Variants in DLGAP2 observed in about 807,000 individuals in gnomAD.
DLGAP2 encodes DLG associated protein 2, also known as disks large-associated protein 2.
DLGAP2 carries 26 observed loss-of-function variants against 100.3 expected under a neutral mutation model. The observed-to-expected ratio is 0.26, with a 90% CI of 0.19 to 0.36. The LOEUF (loss-of-function observed/expected upper bound fraction) is 0.36, where lower values mean the gene tolerates loss of function less well. Ranked by LOEUF, DLGAP2 falls within the 10% of genes least tolerant of loss-of-function variation. The probability of loss-of-function intolerance (pLI) is 1.00; values close to 1 mark genes in which losing one functional copy is unlikely to be tolerated. For synonymous variants in DLGAP2, 886 were observed against 630.1 expected (o/e 1.41, Z -6.08); for missense variants, 1,858 against 1,453.2 (o/e 1.28, Z -4.53).
At chr8:1,134,059 A>T (rs573675605) in intron 2 of DLGAP2, among the ~76,000 whole-genome samples, 14 of 149,894 alleles carry the variant, frequency 9.3e-5, no homozygotes, top group East Asian at 2.0e-4. Context: ...ATGAGTTCTC[A>T]TCATTTAGCT....
intron 2 of DLGAP2, among the ~76,000 whole-genome samples, chr8:1,054,931 A>G (rs146786755): frequency 4.6e-5 from 7 of 152,390 alleles, no homozygotes; most frequent in Middle Eastern, 6.8e-3. Context: ...AACAGCCTTC[A>G]TAGACAGTGG....
chr8:1,183,468 T>C (rs912957669), intron 2 of DLGAP2, among the ~76,000 whole-genome samples: 1 of 152,216 alleles, frequency 6.6e-6, no homozygotes, highest in Non-Finnish European at 1.5e-5. Context: ...CTAAGAGTCA[T>C]TGCAAATGTT....
chr8:803,658 G>C lies in DLGAP2; in HGVS notation c.18+65833G>C, dbSNP rs140691582. On this transcript the variant is annotated intron_variant, in intron 1 of 14. Transcript: ENST00000637795. ...AAACTCGAATCACAAGATACAGTTA[G>C]AAGCAGGGCTGCCTCAATCCACTGG... Among the ~76,000 whole-genome samples the C allele has an allele frequency of 5.8e-3, 890 of 152,298 alleles. 9 individuals carry two copies. The highest frequency in any genetic ancestry group is 0.02 in the African/African-American group (837 of 41,564).
chr8:1,589,319 AT>A (rs1394469061), intron 6 of DLGAP2, among the ~76,000 whole-genome samples: 2 of 152,254 alleles, frequency 1.3e-5, no homozygotes, highest in Non-Finnish European at 2.9e-5. Context: ...TACCATAGTA[AT>A]AAATTTGTCA....
At chr8:1,010,428 A>G (rs2129020588) in intron 2 of DLGAP2, among the ~76,000 whole-genome samples, 1 of 152,352 alleles carries the variant, frequency 6.6e-6, no homozygotes, top group African/African-American at 2.4e-5. Context: ...ATGTGCCCAC[A>G]TATGCACACA....
chr8:937,731 A>G (rs1305931611), intron 2 of DLGAP2, among the ~76,000 whole-genome samples: 1 of 152,168 alleles, frequency 6.6e-6, no homozygotes, highest in Admixed American at 6.5e-5. Context: ...ATCTCCTACA[A>G]TCAAGGGAAT....
intron 3 of DLGAP2, among the ~76,000 whole-genome samples, chr8:1,428,243 A>AT (rs1315091409): frequency 8.5e-5 from 13 of 152,102 alleles, no homozygotes; most frequent in Non-Finnish European, 1.9e-4. Flanking sequence ...TAGAAATATA[A>AT]TTTTTTGAAA....
intron 2 of DLGAP2, among the ~76,000 whole-genome samples, chr8:973,847 G>A (rs1016201695): frequency 3.9e-5 from 3 of 76,100 alleles, no homozygotes; most frequent in Non-Finnish European, 8.2e-5. Flanking sequence ...GTCGGGGCGG[G>A]CGGTGGCGGC....
At chr8:809,729 C>T (rs1796336754) in intron 1 of DLGAP2, among the ~76,000 whole-genome samples, 5 of 152,268 alleles carry the variant, frequency 3.3e-5, no homozygotes, top group African/African-American at 1.2e-4. Flanking sequence ...GCTGAAGATT[C>T]CCCCTCCCCT....
intron 6 of DLGAP2, among the ~76,000 whole-genome samples, chr8:1,570,427 G>A (rs779644471): frequency 1.3e-5 from 2 of 152,220 alleles, no homozygotes; most frequent in Non-Finnish European, 1.5e-5. Flanking sequence ...CATTTTTAAC[G>A]TGTAGCAGGT....
At chr8:790,159 C>T (rs1045986184) in intron 1 of DLGAP2, among the ~76,000 whole-genome samples, 1 of 152,102 alleles carries the variant, frequency 6.6e-6, no homozygotes, top group Non-Finnish European at 1.5e-5. Context: ...GAGTTTGGAT[C>T]TCATCAGGGA....
At chr8:1,253,879 C>T (rs1166002686) in intron 2 of DLGAP2, among the ~76,000 whole-genome samples, 8 of 152,286 alleles carry the variant, frequency 5.3e-5, no homozygotes, top group Non-Finnish European at 8.8e-5. Context: ...GCTGTGAGTA[C>T]GCTTGCTGTG....
chr8:805,080 T>G (rs1054090858), intron 1 of DLGAP2, among the ~76,000 whole-genome samples: 4 of 152,338 alleles, frequency 2.6e-5, no homozygotes, highest in Admixed American at 2.6e-4. Flanking sequence ...CTCTGCCTTT[T>G]TCTAAAAGCT....
At chr8:1,059,295 A>T (rs984227275) in intron 2 of DLGAP2, among the ~76,000 whole-genome samples, 2 of 151,344 alleles carry the variant, frequency 1.3e-5, no homozygotes, top group African/African-American at 4.9e-5. Context: ...GCCTCCTGGG[A>T]CCCCTGCATC....
chr8:1,000,754 C>T (rs1173149807), intron 2 of DLGAP2, among the ~76,000 whole-genome samples: 4 of 152,034 alleles, frequency 2.6e-5, no homozygotes, highest in African/African-American at 7.2e-5. Context: ...ACTGCAGGGG[C>T]GTTGGGGGTG....
At chr8:1,049,468 G>C (rs1802609980) in intron 2 of DLGAP2, among the ~76,000 whole-genome samples, 1 of 152,002 alleles carries the variant, frequency 6.6e-6, no homozygotes, top group African/African-American at 2.4e-5. Flanking sequence ...CGTCACACGG[G>C]AATACAATTT....
At chr8:1,234,912 C>G (rs367578482) in intron 2 of DLGAP2, among the ~76,000 whole-genome samples, 96 of 152,342 alleles carry the variant, frequency 6.3e-4, no homozygotes, top group African/African-American at 2.2e-3. Flanking sequence ...GGCGCCATAT[C>G]TAGTTCTCTC....
At chr8:1,488,229 C>T (rs1261174434) in intron 3 of DLGAP2, among the ~76,000 whole-genome samples, 4 of 152,168 alleles carry the variant, frequency 2.6e-5, no homozygotes, top group Non-Finnish European at 5.9e-5. Context: ...CAAACTCCCA[C>T]CCGGCAGTTC....
In DLGAP2 at chr8:1,132,656, G is replaced by A. The variant is rs1030805410; in HGVS notation, c.74-126195G>A. On this transcript the variant is annotated intron_variant, in intron 2 of 14. Coordinates refer to ENST00000637795, the MANE Select transcript of DLGAP2 (RefSeq NM_001346810.2). ...TGATGTAAAGAAGGCGTTTACTGGA[G>A]AGCACTGGGCAAGGAGACCAGGCAG... Among the ~76,000 whole-genome samples the A allele has an allele frequency of 5.3e-5, 8 of 152,208 alleles. 1 individual carries two copies. The highest frequency in any genetic ancestry group is 1.9e-4 in the African/African-American group (8 of 41,452).
Sources: allele counts gnomAD v4.1 joint callset (sites outside exome capture counted in the v4.1 genomes callset), GRCh38; gene constraint gnomAD v4.1.1; transcripts MANE v1.5; gene names NCBI Gene and HGNC (gene_info 2026-07-23, HGNC 2026-07-21).